The following CPLANE1 variants were observed in gnomAD, a reference collection of about 807,000 sequenced individuals.
CPLANE1 encodes ciliogenesis and planar polarity effector 1.
In CPLANE1, 263 loss-of-function variants were observed where a neutral mutation model predicts 362.5. The observed-to-expected ratio is 0.73, with a 90% CI of 0.66 to 0.80. The LOEUF (loss-of-function observed/expected upper bound fraction) is 0.80, where lower values mean the gene tolerates loss of function less well. Ranked by LOEUF, CPLANE1 falls within the 30% of genes least tolerant of loss-of-function variation. The pLI is 0.00. For synonymous variants in CPLANE1, 1,212 were observed against 1,302.6 expected, an observed-to-expected ratio of 0.93 and a Z score of 1.50; for missense variants, 3,461 against 3,793.4, an observed-to-expected ratio of 0.91 and a Z score of 2.30.
At chr5:37,243,548 T>C (rs1169668339) in intron 5 of CPLANE1, among the ~76,000 whole-genome samples, 1 of 151,416 alleles carries the variant, frequency 6.6e-6, no homozygotes, top group Admixed American at 6.6e-5. Context: ...ATATTTTAAA[T>C]ACGTTTTGGT....
Position 37,107,080 on chromosome 5 carries a change from A to G in CPLANE1, c.*522T>C. ...GGCCTCCATGAAACTTTGCTTATTT[A>G]GAGATTCAGGGTTGGTAAAAGGTAG... On this transcript the variant is annotated 3_prime_UTR_variant, in exon 53 of 53. Transcript: ENST00000651892. 1.0e-6 allele frequency: 1 copy of G among 985,468 alleles called. No individual in the cohort carries two copies. The highest frequency in any genetic ancestry group is 1.7e-5 in the African/African-American group (1 of 57,370). 61.0% of individuals were successfully genotyped at this position (985,468 alleles called of 1,614,324 possible). A position where few individuals can be genotyped will look rare whatever the true frequency, so the allele number is the denominator to read the frequency against.
chr5:37,183,872 A>T (rs1414769889), intron 25 of CPLANE1, among the ~76,000 whole-genome samples, 173 bp from the exon 26 acceptor site: 3 of 152,214 alleles, frequency 2.0e-5, no homozygotes, highest in African/African-American at 7.2e-5. Flanking sequence ...AAGTGTTTTC[A>T]AGAGTGGAAC....
intron 46 of CPLANE1, among the ~76,000 whole-genome samples, chr5:37,130,053 T>C (rs1170818051): frequency 6.6e-6 from 1 of 152,186 alleles, no homozygotes; most frequent in African/African-American, 2.4e-5. Flanking sequence ...CACCATGTCA[T>C]ACTATTCAGC....
chr5:37,242,425 C>T (rs1171091160), intron 6 of CPLANE1, among the ~76,000 whole-genome samples: 2 of 152,012 alleles, frequency 1.3e-5, no homozygotes, highest in African/African-American at 4.8e-5. Flanking sequence ...TAAAAGAACA[C>T]TTAAGCATTT....
chr5:37,198,769 T>C lies in CPLANE1; in HGVS notation c.3605A>G (p.Gln1202Arg). 6.2e-7 allele frequency: 1 copy of C among 1,614,134 alleles called. No individual in the cohort carries two copies. The highest frequency in any genetic ancestry group is 8.5e-7 in the Non-Finnish European group (1 of 1,180,024). The change falls in exon 20 of 53, where the codon CAG becomes CGG. Residue 1202 changes from glutamine to arginine, a missense_variant. Gln to Arg is a conservative substitution (Grantham distance 43). Coordinates refer to ENST00000651892, the MANE Select transcript of CPLANE1 (RefSeq NM_001384732.1). ...QRVLLLFRAA[Q>R]CSFPVAQWYI... is the part of the protein sequence containing the mutation. The stretch of plus-strand genomic sequence containing the variant: ...CCACTGTGCTACAGGAAAAGAACAC[T>C]GAGCCGCCCGGAAAAGCAGGAGAAC...
intron 27 of CPLANE1, 45 bp downstream of exon 27, chr5:37,180,812 A>T: frequency 6.3e-7 from 1 of 1,580,710 alleles, no homozygotes; most frequent in South Asian, 1.1e-5. Context: ...ATGCCATCAA[A>T]CTACATGTCT....
intron 9 of CPLANE1, among the ~76,000 whole-genome samples, chr5:37,229,267 G>A (rs1327349362): frequency 3.3e-5 from 5 of 150,354 alleles, no homozygotes; most frequent in Non-Finnish European, 4.4e-5. Context: ...AAATATAATC[G>A]AGGAGGCCGG....
chr5:37,210,187 A>G, intron 16 of CPLANE1: 2 of 1,411,324 alleles, frequency 1.4e-6, no homozygotes, highest in Non-Finnish European at 1.0e-6. Context: ...CAAAAGCACC[A>G]AGAGATTGAA....
chr5:37,140,905 A>T (rs149849684), intron 44 of CPLANE1: 1 of 976,270 alleles, frequency 1.0e-6, no homozygotes, highest in East Asian at 1.2e-4. Context: ...AGTGTATTTT[A>T]TGTGTGGCCC....
intron 20 of CPLANE1, 145 bp downstream of exon 20, chr5:37,198,556 TG>T: frequency 1.4e-6 from 1 of 735,628 alleles, no homozygotes; most frequent in Non-Finnish European, 2.2e-6. Flanking sequence ...AGGAAGAATC[TG>T]GTCTGTTTGT....
intron 19 of CPLANE1, 32 bp downstream of exon 19, chr5:37,201,559 A>C: frequency 6.6e-7 from 1 of 1,516,730 alleles, no homozygotes; most frequent in Non-Finnish European, 9.0e-7. Context: ...ATCAACTTTA[A>C]ATTAATTTAA....
At chr5:37,076,842 T>C in the CPLANE1 span, among the ~76,000 whole-genome samples, 1 of 147,714 alleles carries the variant, frequency 6.8e-6, no homozygotes, top group Admixed American at 6.9e-5. Flanking sequence ...GGATGCCTAG[T>C]GGTCTATTTA....
intron 8 of CPLANE1, among the ~76,000 whole-genome samples, chr5:37,231,328 C>T (rs1222461001): frequency 6.6e-6 from 1 of 152,046 alleles, no homozygotes; most frequent in African/African-American, 2.4e-5. Context: ...GCCTGTAATC[C>T]CAGCACTTTG....
intron 51 of CPLANE1, among the ~76,000 whole-genome samples, chr5:37,109,268 A>G (rs1758436009): frequency 6.6e-6 from 1 of 152,176 alleles, no homozygotes; most frequent in Non-Finnish European, 1.5e-5. Context: ...TAACTCTACC[A>G]ACCTTATGTA....
intron 41 of CPLANE1, among the ~76,000 whole-genome samples, chr5:37,154,858 C>G (rs1218629831): frequency 1.3e-5 from 2 of 152,134 alleles, no homozygotes; most frequent in Non-Finnish European, 2.9e-5. Flanking sequence ...GTCCCATAAG[C>G]ATATAAAAAT....
chr5:37,202,134 A>AAGATTGTG (rs1039951828), intron 18 of CPLANE1, among the ~76,000 whole-genome samples: 1 of 152,012 alleles, frequency 6.6e-6, no homozygotes, highest in African/African-American at 2.4e-5. Context: ...AATAATATAA[A>AAGATTGTG]AGATTGTGTG....
At chr5:37,118,012 A>G (rs775877438) in intron 50 of CPLANE1, among the ~76,000 whole-genome samples, 1 of 152,244 alleles carries the variant, frequency 6.6e-6, no homozygotes, top group Non-Finnish European at 1.5e-5. Context: ...CAGGTACAAA[A>G]TAAGTTTTTT....
intron 18 of CPLANE1, among the ~76,000 whole-genome samples, chr5:37,202,940 T>TTA (rs921095551): frequency 7.6e-4 from 114 of 150,074 alleles, no homozygotes; most frequent in African/African-American, 1.7e-3. Flanking sequence ...TTTATATATT[T>TTA]TATATATATA....
chr5:37,083,070 G>T, the CPLANE1 span, among the ~76,000 whole-genome samples: 1 of 152,148 alleles, frequency 6.6e-6, no homozygotes, highest in African/African-American at 2.4e-5. Flanking sequence ...GGTATCCCTG[G>T]CTGAGAGACC....
Sources: gnomAD v4.1 joint callset for allele counts (sites outside exome capture counted in the v4.1 genomes callset) on GRCh38, gnomAD v4.1.1 for gene constraint, MANE v1.5 for transcripts, NCBI Gene and HGNC (gene_info 2026-07-23, HGNC 2026-07-21) for gene names.